The following TAF1B variants were observed in gnomAD, a reference collection of about 807,000 sequenced individuals.
TAF1B encodes the protein TATA-box binding protein associated factor, RNA polymerase I subunit B, also known as TATA box-binding protein-associated factor RNA polymerase I subunit B.
Under a neutral mutation model 83.9 loss-of-function variants are expected in TAF1B, and 61 were observed. That is an observed-to-expected ratio of 0.73 (90% CI 0.59 to 0.90). TAF1B has a LOEUF of 0.90. Ranked by LOEUF, TAF1B falls within the 40% of genes least tolerant of loss-of-function variation. TAF1B has a pLI of 0.00. For synonymous variants in TAF1B, 221 were observed against 224.6 expected (o/e 0.98, Z 0.14); for missense variants, 625 against 677.0 (o/e 0.92, Z 0.85).
intron 5 of TAF1B, among the ~76,000 whole-genome samples, chr2:9,859,741 T>A (rs981287145): frequency 6.6e-6 from 1 of 152,318 alleles, no homozygotes; most frequent in African/African-American, 2.4e-5. Flanking sequence ...TTCCAAACTT[T>A]CTTTCATCTT....
At chr2:9,907,367 G>A (rs16867226) in intron 9 of TAF1B, among the ~76,000 whole-genome samples, 78,230 of 152,042 alleles carry the variant, frequency 0.51, 23,145 homozygotes, top group Non-Finnish European at 0.68. Context: ...CGGTAATGCC[G>A]TCAGTTGTGC....
Position 9,914,547 on chromosome 2 carries a change from C to T in TAF1B, c.1271+1298C>T, listed in dbSNP as rs1266560345. On this transcript the variant is annotated intron_variant, in intron 12 of 14. Transcript: ENST00000263663. The surrounding 1 kb of genome is among the most constrained non-coding windows in gnomAD (Gnocchi z 4.3). ...TCAGTGGTGACAGGGCTTTCCTTAC[C>T]CCAAGCCAGACACCAACCTACACTT... Among the ~76,000 whole-genome samples the T allele has an allele frequency of 6.6e-6, 1 of 152,098 alleles. No individual in the cohort carries two copies. Among genetic ancestry groups the T allele is most frequent in the Non-Finnish European group, 1.5e-5 (1 of 68,012 alleles).
Position 9,875,963 on chromosome 2 carries a change from T to C in TAF1B, c.652T>C (p.Cys218Arg). Residue 218 changes from cysteine (C) to arginine (R), a missense_variant, in exon 7 of 15, where the codon TGT (cysteine) becomes CGT (arginine). Physicochemically the swap from Cys to Arg is radical, Grantham distance 180. Coordinates refer to ENST00000263663, the MANE Select transcript of TAF1B (RefSeq NM_005680.3). ...KMTMPQTLAF[C>R]YLSLLWQREA... ...GACCATGCCACAGACACTTGCCTTC[T>C]GTTATCTGTCCTTACTTTGGCAGAG... 1.9e-6 allele frequency: 3 copies of C among 1,613,714 alleles called. No homozygotes were observed. The highest frequency in any genetic ancestry group is 1.7e-6 in the Non-Finnish European group (2 of 1,179,678).
At chr2:9,900,671 A>G (rs1165145181) in intron 8 of TAF1B, among the ~76,000 whole-genome samples, 1 of 152,200 alleles carries the variant, frequency 6.6e-6, no homozygotes, top group Non-Finnish European at 1.5e-5. Context: ...GAGAAAGACT[A>G]TCACTGAAGA....
chr2:9,873,433 C>T (rs1016165246), intron 6 of TAF1B, among the ~76,000 whole-genome samples: 1 of 152,064 alleles, frequency 6.6e-6, no homozygotes, highest in Admixed American at 6.5e-5. Flanking sequence ...GTGACTTCAC[C>T]TAATACCATA....
At chr2:9,924,998 G>A (rs887420332) in intron 14 of TAF1B, among the ~76,000 whole-genome samples, 1 of 152,138 alleles carries the variant, frequency 6.6e-6, no homozygotes, top group Non-Finnish European at 1.5e-5. Flanking sequence ...GGTGGTGGCC[G>A]TCACCTCCCT....
At chr2:9,918,714 G>A (rs1019221435) in intron 12 of TAF1B, among the ~76,000 whole-genome samples, 2 of 152,206 alleles carry the variant, frequency 1.3e-5, no homozygotes, top group Non-Finnish European at 1.5e-5. Flanking sequence ...TTGTTTCTGA[G>A]GTAGCTTCAC....
At chr2:9,919,166 T>G in intron 13 of TAF1B, 55 bp downstream of exon 13, 1 of 1,436,524 alleles carries the variant, frequency 7.0e-7, no homozygotes, top group South Asian at 1.2e-5. Flanking sequence ...GTAGAAAAAT[T>G]AAATATCTGG....
chr2:9,899,677 A>T (rs900563676), intron 8 of TAF1B, among the ~76,000 whole-genome samples: 9 of 141,964 alleles, frequency 6.3e-5, no homozygotes, highest in Admixed American at 3.5e-4. Context: ...TTTTTTTCTT[A>T]TTACAAAAGT....
At chr2:9,862,676 G>A (rs775198370) in intron 5 of TAF1B, among the ~76,000 whole-genome samples, 32 of 152,182 alleles carry the variant, frequency 2.1e-4, no homozygotes, top group Non-Finnish European at 4.6e-4. Context: ...AGGAAAACAT[G>A]TTAAGGGCAG....
chr2:9,908,894 G>A (rs536704772), intron 9 of TAF1B, among the ~76,000 whole-genome samples: 4 of 152,194 alleles, frequency 2.6e-5, no homozygotes, highest in Non-Finnish European at 5.9e-5. Context: ...ATTAGGAAAA[G>A]GACTTGAGGA....
At chr2:9,883,832 C>A (rs763781725) in intron 8 of TAF1B, among the ~76,000 whole-genome samples, 12 of 152,240 alleles carry the variant, frequency 7.9e-5, no homozygotes, top group Non-Finnish European at 1.6e-4. Flanking sequence ...TAAAATAATT[C>A]TCTTTGTAGT....
intron 1 of TAF1B, 80 bp downstream of exon 1, chr2:9,843,639 C>G: frequency 2.2e-6 from 3 of 1,392,802 alleles, no homozygotes; most frequent in South Asian, 3.0e-5. Flanking sequence ...GCGGAGGACG[C>G]CGCGGGTTGG....
At chr2:9,903,275 G>C (rs409920) in intron 8 of TAF1B, among the ~76,000 whole-genome samples, 4 of 151,572 alleles carry the variant, frequency 2.6e-5, no homozygotes, top group African/African-American at 9.7e-5. Context: ...TTAGTAGAGA[G>C]GGGGTTTCAC....
At chr2:9,846,272 G>C (rs1572207132) in intron 2 of TAF1B, 1 of 367,440 alleles carries the variant, frequency 2.7e-6, no homozygotes, top group African/African-American at 2.1e-5. Context: ...TGTAACCTTG[G>C]TAAACGAGGC....
At chr2:9,870,521 A>G (rs1461502268) in intron 6 of TAF1B, among the ~76,000 whole-genome samples, 2 of 152,182 alleles carry the variant, frequency 1.3e-5, no homozygotes, top group African/African-American at 2.4e-5. Context: ...ACCTTCAGCT[A>G]ATGTCCTGTT....
At chr2:9,861,067 G>T (rs909389170) in intron 5 of TAF1B, among the ~76,000 whole-genome samples, 1 of 152,192 alleles carries the variant, frequency 6.6e-6, no homozygotes, top group East Asian at 1.9e-4. Context: ...AAAGTACTGG[G>T]TTCATCTCAC....
chr2:9,856,137 T>G (rs189066840), intron 5 of TAF1B, among the ~76,000 whole-genome samples: 54 of 152,136 alleles, frequency 3.5e-4, no homozygotes, highest in Admixed American at 1.8e-3. Context: ...GGGTGAAGAG[T>G]AGGTTACAGA....
chr2:9,861,823 C>T (rs922407979), intron 5 of TAF1B, among the ~76,000 whole-genome samples: 7 of 152,154 alleles, frequency 4.6e-5, no homozygotes, highest in African/African-American at 1.4e-4. Context: ...GCTGCTGATA[C>T]CCAGGCAAAC....
Sources: allele counts gnomAD v4.1 joint callset (sites outside exome capture counted in the v4.1 genomes callset), GRCh38; gene constraint gnomAD v4.1.1; non-coding constraint Gnocchi (gnomAD v3.1); transcripts MANE v1.5; gene names NCBI Gene and HGNC (gene_info 2026-07-23, HGNC 2026-07-21).